Variants in LTBP4 observed in about 807,000 individuals in gnomAD.
LTBP4 encodes the protein latent transforming growth factor beta binding protein 4, also known as latent-transforming growth factor beta-binding protein 4.
Under a neutral mutation model 180.2 loss-of-function variants are expected in LTBP4, and 93 were observed. That is an observed-to-expected ratio of 0.52 (90% confidence interval 0.44 to 0.61). The LOEUF (loss-of-function observed/expected upper bound fraction) is 0.61, where lower values mean the gene tolerates loss of function less well. Ranked by LOEUF, LTBP4 falls within the 20% of genes least tolerant of loss-of-function variation. LTBP4 has a pLI of 0.00. For missense variants in LTBP4, 2,116 were observed against 2,256.5 expected, an observed-to-expected ratio of 0.94 and a Z score of 1.26; for synonymous variants, 947 against 934.5, an observed-to-expected ratio of 1.01 and a Z score of -0.24.
Position 40,624,025 on chromosome 19 carries a change from C to G in LTBP4, c.3775C>G (p.Pro1259Ala). ...CTCTTATCACTGTACCTGCGAGCCC[C>G]CACTGGTGCTGGATGGCTCGCAGCG... ...VGSYHCTCEP[P>A]LVLDGSQRRC... Residue 1259 changes from proline (P) to alanine (A), a missense_variant, in exon 26 of 30, where the codon CCA becomes GCA. Physicochemically the swap from Pro to Ala is conservative, Grantham distance 27. Around this residue, in one of 5 missense-constraint regions of LTBP4, gnomAD observed 488 missense variants for 458.8 expected, o/e 1.06. Transcript: ENST00000396819. The G allele has an allele frequency of 6.2e-7, 1 of 1,608,260 alleles. No homozygotes were observed. The highest frequency in any genetic ancestry group is 8.5e-7 in the Non-Finnish European group (1 of 1,176,580).
chr19:40,607,328 G>A (rs371815011), intron 6 of LTBP4, 37 bp from the exon 7 acceptor site: 23 of 1,269,772 alleles, frequency 1.8e-5, no homozygotes, highest in East Asian at 5.6e-5. Context: ...AGCATTCCCA[G>A]CCCCGCCCTG....
intron 26 of LTBP4, 82 bp downstream of exon 26, chr19:40,624,164 C>G: frequency 1.4e-6 from 2 of 1,427,202 alleles, no homozygotes; most frequent in Non-Finnish European, 1.8e-6. Flanking sequence ...TTGCGACGGC[C>G]ACGCCCTCCG....
rs1459115645 is a variant in LTBP4 at position 40,609,900 on chromosome 19, G to A, written c.1684+29G>A. On this transcript the variant is annotated intron_variant, in intron 11 of 29. Transcript: ENST00000396819. This position sits in a 1 kb window ranked among gnomAD's most constrained non-coding sequence, Gnocchi z 4.9. Reference sequence around the variant, plus strand: ...AGAAATTTGCCCCACCCGGCTCCAGGCCCACCCCAGGGTCTCGCTCCTGCT... The same window carrying A: ...AGAAATTTGCCCCACCCGGCTCCAGACCCACCCCAGGGTCTCGCTCCTGCT... The A allele has an allele frequency of 2.7e-6, 4 of 1,502,544 alleles. No individual in the cohort carries two copies. In the East Asian group the frequency reaches 9.8e-5, roughly 37 times the overall value. The allele number at this position is 1,502,544 out of a possible 1,614,324, so 93.1% of individuals were successfully genotyped here.
intron 1 of LTBP4, among the ~76,000 whole-genome samples, chr19:40,603,854 G>T (rs986694352): frequency 2.0e-5 from 3 of 152,216 alleles, no homozygotes; most frequent in African/African-American, 7.2e-5. Flanking sequence ...GCTCCCCAAG[G>T]GTCCGGAATG....
Position 40,610,654 on chromosome 19 carries a change from C to T in LTBP4, c.1807C>T (p.Gln603Ter). 1.9e-6 allele frequency: 3 copies of T among 1,582,326 alleles called. No individual in the cohort carries two copies. Among genetic ancestry groups the T allele is most frequent in the Non-Finnish European group, 1.7e-6 (2 of 1,167,928 alleles). Residue 603 changes from glutamine to a stop codon, truncating the protein, a stop_gained, in exon 12 of 30, where the codon CAG becomes TAG. Transcript: ENST00000396819. LOFTEE classifies it high-confidence loss of function. The stretch of plus-strand genomic sequence containing the variant: ...GGCTGCACCGCACGGAGCCAGCTGC[C>T]AGGGTGAGGGCCTGGGAGGGGCAGC... ...YQAAPHGASC[Q>*]DVDECTQSPG...
At chr19:40,626,888 C>G in intron 27 of LTBP4, 87 bp from the exon 28 acceptor site, 2 of 1,433,948 alleles carry the variant, frequency 1.4e-6, no homozygotes, top group Non-Finnish European at 1.8e-6. Context: ...CCATCCAGTC[C>G]TCTGCCTCCT....
rs764296153 is a variant in LTBP4, at chr19:40,629,400, C to T, written c.4524C>T (p.Ile1508=). The T allele has an allele frequency of 3.1e-6, 5 of 1,612,990 alleles. No homozygotes were observed. In the South Asian group the frequency reaches 4.4e-5, roughly 14 times the overall value. Residue 1508 remains isoleucine, a synonymous_variant, in exon 30 of 30, where the codon ATC becomes ATT. Coordinates refer to ENST00000396819, the MANE Select transcript of LTBP4 (RefSeq NM_001042545.2). The surrounding 1 kb of genome is among the most constrained non-coding windows in gnomAD (Gnocchi z 4.5). The part of the protein sequence containing the change: ...LDMTRMACVD[I]NECDEAEAAS... Reference sequence around the variant, plus strand: ...ATCGTTGTCTCCCCTCCGCAGACATCAACGAGTGTGATGAGGCCGAGGCTG... The same window carrying T: ...ATCGTTGTCTCCCCTCCGCAGACATTAACGAGTGTGATGAGGCCGAGGCTG...
At chr19:40,601,290 GGGGCGCGGGCGACCT>G, upstream of LTBP4, 1 of 924,602 alleles carries the variant, frequency 1.1e-6, no homozygotes, top group Non-Finnish European at 1.3e-6. Flanking sequence ...GGCCTGAGCG[GGGGCGCGGGCGACCT>G]CCCCCGCGGG....
chr19:40,625,285 TATATATATATATATATATATA>T (rs2081620862), intron 26 of LTBP4, among the ~76,000 whole-genome samples: 2 of 9,266 alleles, frequency 2.2e-4, no homozygotes, highest in Non-Finnish European at 3.3e-4. Flanking sequence ...TATATATATA[TATATATATATATATATATATA>T]TATATATATA....
chr19:40,601,313 G>C (rs1049880022), upstream of LTBP4: 626 of 949,444 alleles, frequency 6.6e-4, 3 homozygotes, highest in African/African-American at 8.8e-3. Flanking sequence ...CCTCCCCCGC[G>C]GGCGGGCGGG....
At chr19:40,625,797 C>G in intron 26 of LTBP4, 60 bp from the exon 27 acceptor site, 3 of 1,441,130 alleles carry the variant, frequency 2.1e-6, no homozygotes, top group Non-Finnish European at 2.8e-6. Context: ...GGGAAGGGTC[C>G]AGCCCCTGGG....
At chr19:40,621,888 C>T (rs1026404177) in intron 22 of LTBP4, among the ~76,000 whole-genome samples, 1 of 152,170 alleles carries the variant, frequency 6.6e-6, no homozygotes, top group Non-Finnish European at 1.5e-5. Context: ...GCTGGGATTA[C>T]AGGCATGCGC....
Position 40,627,197 on chromosome 19 carries a change from G to T in LTBP4, c.4208G>T (p.Arg1403Leu). The T allele has an allele frequency of 6.2e-7, 1 of 1,611,246 alleles. No homozygotes were observed. Among genetic ancestry groups the T allele is most frequent in the Admixed American group, 1.7e-5 (1 of 59,726 alleles). Residue 1403 changes from arginine to leucine, a missense_variant, in exon 28 of 30, where the codon CGC becomes CTC. Physicochemically the swap from Arg to Leu is moderately radical, Grantham distance 102. Transcript: ENST00000396819. ...ARREAPYGAP[R>L]FDMPDFEDDG... The stretch of plus-strand genomic sequence containing the variant: ...CGGGAGGCTCCTTATGGGGCACCCC[G>T]CTTCGACATGCCAGACTTTGAGGAC...
Position 40,606,322 on chromosome 19 carries a change from G to A in LTBP4, c.868+15G>A. 6.2e-7 allele frequency: 1 copy of A among 1,600,498 alleles called. No homozygotes were observed. The highest frequency in any genetic ancestry group is 2.3e-5 in the East Asian group (1 of 44,392). On this transcript the variant is annotated intron_variant, in intron 5 of 29. Transcript: ENST00000396819. ...GTCCTGCGAAGGTGCAACGGGGCAG[G>A]GGTGGGAGGGGCTTGGTTCTGGGGG...
intron 26 of LTBP4, 51 bp downstream of exon 26, chr19:40,624,133 AC>A (rs1377384405): frequency 6.8e-7 from 1 of 1,469,122 alleles, no homozygotes; most frequent in Non-Finnish European, 9.0e-7. Context: ...TCGGCCTCAC[AC>A]CCGCACCCGG....
At position 40,609,975 on chromosome 19, in the gene LTBP4, G is replaced by C; in HGVS notation, c.1684+104G>C. Reference sequence around the variant, plus strand: ...TCCCACGCTTCCCCTCTCGGGTCCCGCCCCAGGACTGCTCTGCCCTGGCCC... The same window carrying C: ...TCCCACGCTTCCCCTCTCGGGTCCCCCCCCAGGACTGCTCTGCCCTGGCCC... On this transcript the variant is annotated intron_variant, in intron 11 of 29. Transcript: ENST00000396819. The surrounding 1 kb of genome is among the most constrained non-coding windows in gnomAD (Gnocchi z 4.9). 4.3e-6 allele frequency: 6 copies of C among 1,398,106 alleles called. No homozygotes were observed. The highest frequency in any genetic ancestry group is 5.6e-6 in the Non-Finnish European group (6 of 1,062,804). 86.6% of individuals were successfully genotyped at this position (1,398,106 alleles called of 1,614,324 possible). A position where few individuals can be genotyped will look rare whatever the true frequency, so the allele number is the denominator to read the frequency against.
At position 40,622,380 on chromosome 19, in the gene LTBP4, T is replaced by TA; in HGVS notation, c.3218-18dup. 2.0e-6 allele frequency: 3 copies of TA among 1,486,510 alleles called. No homozygotes were observed. The highest frequency in any genetic ancestry group is 2.7e-6 in the Non-Finnish European group (3 of 1,108,158). The allele number at this position is 1,486,510 out of a possible 1,614,324, so 92.1% of individuals were successfully genotyped here. ...GCTGGGGATTCAGCCCACACTGGGC[T>TA]AAAGCTCCTTGTCTCCCCAGGCACG... On this transcript the variant is annotated intron_variant, in intron 22 of 29. Coordinates refer to ENST00000396819, the MANE Select transcript of LTBP4 (RefSeq NM_001042545.2). This position sits in a 1 kb window ranked among gnomAD's most constrained non-coding sequence, Gnocchi z 5.1.
At chr19:40,600,123 C>G (rs917102652), upstream of LTBP4, 11 of 1,258,538 alleles carry the variant, frequency 8.7e-6, no homozygotes, top group African/African-American at 1.7e-4. The surrounding 1 kb of genome is among the most constrained non-coding windows in gnomAD (Gnocchi z 4.4). Context: ...GCCAGGGGGC[C>G]GGGGACTACT....
At chr19:40,604,102 G>A (rs1256959067) in intron 1 of LTBP4, among the ~76,000 whole-genome samples, 4 of 152,140 alleles carry the variant, frequency 2.6e-5, no homozygotes, top group Non-Finnish European at 5.9e-5. Flanking sequence ...GCGGAACTAG[G>A]GCACCCGGAC....
Sources: gnomAD v4.1 joint callset for allele counts (sites outside exome capture counted in the v4.1 genomes callset) on GRCh38, gnomAD v4.1.1 for gene constraint, gnomAD v4.1.1 regional missense constraint, Gnocchi (gnomAD v3.1) non-coding constraint, MANE v1.5 for transcripts, NCBI Gene and HGNC (gene_info 2026-07-23, HGNC 2026-07-21) for gene names.